Variants in ZC3H6 observed in about 807,000 individuals in gnomAD.
The protein encoded by ZC3H6 is zinc finger CCCH domain-containing protein 6.
ZC3H6 carries 40 observed loss-of-function variants against 107.7 expected under a neutral mutation model. The observed-to-expected ratio is 0.37, with a 90% CI of 0.29 to 0.48. ZC3H6 has a LOEUF of 0.48. Ranked by LOEUF, ZC3H6 falls within the 20% of genes least tolerant of loss-of-function variation. The pLI is 0.98. For synonymous variants in ZC3H6, 493 were observed against 487.9 expected (o/e 1.01, Z -0.14); for missense variants, 1,267 against 1,410.4 (o/e 0.90, Z 1.63).
chr2:112,288,350 A>G (rs114084308), intron 1 of ZC3H6, among the ~76,000 whole-genome samples: 83 of 152,338 alleles, frequency 5.4e-4, no homozygotes, highest in African/African-American at 1.9e-3. Flanking sequence ...GTAGTCCAGC[A>G]TAGTAATTCT....
chr2:112,291,446 C>T (rs1676114581), intron 1 of ZC3H6, among the ~76,000 whole-genome samples: 1 of 152,218 alleles, frequency 6.6e-6, no homozygotes, highest in Non-Finnish European at 1.5e-5. Flanking sequence ...GTTGGCCAGG[C>T]TGGTCTCGAA....
rs1676964384 is a variant in ZC3H6 at position 112,328,811 on chromosome 2, T to C, written c.2087-2194T>C. On this transcript the variant is annotated intron_variant, in intron 11 of 11. Coordinates refer to ENST00000409871, the MANE Select transcript of ZC3H6 (RefSeq NM_198581.3). ...AAAATTAGCTGGGCATGTTAGTGCATGTCTGTAGTCCCAGCTACTCAGAAG... is the reference window on the plus strand; with the variant it reads ...AAAATTAGCTGGGCATGTTAGTGCACGTCTGTAGTCCCAGCTACTCAGAAG... Among the ~76,000 whole-genome samples, 3 of 152,084 alleles carry C rather than the reference T, an allele frequency of 2.0e-5. No individual in the cohort carries two copies. The South Asian group carries it at 6.2e-4, about 32-fold the overall frequency.
At chr2:112,293,930 TCTGG>T (rs1438667669) in intron 1 of ZC3H6, among the ~76,000 whole-genome samples, 2 of 152,198 alleles carry the variant, frequency 1.3e-5, no homozygotes, top group Admixed American at 6.5e-5. Flanking sequence ...TGGTGGGCAC[TCTGG>T]CTGAGGAACA....
At chr2:112,286,524 G>A (rs11679986) in intron 1 of ZC3H6, 19,171 of 153,168 alleles carry the variant, frequency 0.13, 1,371 homozygotes, top group Non-Finnish European at 0.16. Context: ...TGCAACCTCC[G>A]CCTCCCGAGT....
chr2:112,284,768 T>C (rs551811636), intron 1 of ZC3H6, among the ~76,000 whole-genome samples: 18 of 152,326 alleles, frequency 1.2e-4, no homozygotes, highest in South Asian at 6.2e-4. Flanking sequence ...AATGATTATG[T>C]TGTACAGAAC....
chr2:112,323,010 T>G, intron 9 of ZC3H6, 108 bp downstream of exon 9: 1 of 1,227,030 alleles, frequency 8.1e-7, no homozygotes, highest in Non-Finnish European at 1.1e-6. Flanking sequence ...TGGTTAGAGA[T>G]AGCACATATC....
At chr2:112,318,379 A>C (rs958993232) in intron 7 of ZC3H6, among the ~76,000 whole-genome samples, 1 of 152,232 alleles carries the variant, frequency 6.6e-6, no homozygotes, top group Non-Finnish European at 1.5e-5. Flanking sequence ...TAATGAAGTG[A>C]GAAAGATTAT....
chr2:112,311,409 A>C (rs1391688358), intron 4 of ZC3H6, among the ~76,000 whole-genome samples: 1 of 152,226 alleles, frequency 6.6e-6, no homozygotes, highest in African/African-American at 2.4e-5. Flanking sequence ...GTATATATCT[A>C]CTCAAAATTA....
At position 112,333,974 on chromosome 2, in the gene ZC3H6, C is replaced by A. The variant is rs1190407894; in HGVS notation, c.*1486C>A. The A allele has an allele frequency of 6.6e-6, 1 of 151,974 alleles. No individual in the cohort carries two copies. The highest frequency in any genetic ancestry group is 1.5e-5 in the Non-Finnish European group (1 of 67,948). The allele number at this position is 151,974 out of a possible 1,614,324, so 9.4% of individuals were successfully genotyped here. A position where few individuals can be genotyped will look rare whatever the true frequency, so the allele number is the denominator to read the frequency against. On this transcript the variant is annotated 3_prime_UTR_variant, in exon 12 of 12. Coordinates refer to ENST00000409871, the MANE Select transcript of ZC3H6 (RefSeq NM_198581.3). ...ATCACTTCTTCAATTCTTTTTGCTG[C>A]AGTTCTGTGCTAAAATGGGGTTGTG...
chr2:112,290,473 C>T (rs138681059), intron 1 of ZC3H6, among the ~76,000 whole-genome samples: 104 of 152,378 alleles, frequency 6.8e-4, no homozygotes, highest in Non-Finnish European at 9.7e-4. Flanking sequence ...CATTTACCTA[C>T]TTCGTATACT....
At chr2:112,326,679 C>A (rs1297919357) in intron 11 of ZC3H6, among the ~76,000 whole-genome samples, 1 of 152,200 alleles carries the variant, frequency 6.6e-6, no homozygotes, top group Non-Finnish European at 1.5e-5. Flanking sequence ...GTGACACGAT[C>A]TCGGCTCACT....
intron 2 of ZC3H6, among the ~76,000 whole-genome samples, chr2:112,302,343 A>C (rs1305686378): frequency 6.6e-6 from 1 of 152,186 alleles, no homozygotes; most frequent in Non-Finnish European, 1.5e-5. Context: ...ACCAAACTCC[A>C]GACCATTTAG....
chr2:112,293,839 C>G (rs1283695214), intron 1 of ZC3H6, among the ~76,000 whole-genome samples: 1 of 152,198 alleles, frequency 6.6e-6, no homozygotes, highest in Non-Finnish European at 1.5e-5. Flanking sequence ...AATGCATGAT[C>G]AGCATAGTGT....
At chr2:112,330,945 AT>A in intron 11 of ZC3H6, 59 bp from the exon 12 acceptor site, 5 of 519,284 alleles carry the variant, frequency 9.6e-6, no homozygotes, top group Non-Finnish European at 1.3e-5. Context: ...TAATATAATA[AT>A]TTTATTATAT....
chr2:112,287,002 C>A (rs1328390696), intron 1 of ZC3H6, among the ~76,000 whole-genome samples: 1 of 152,092 alleles, frequency 6.6e-6, no homozygotes, highest in African/African-American at 2.4e-5. Flanking sequence ...TATTTACAGA[C>A]CAAATGCCCA....
intron 5 of ZC3H6, 72 bp downstream of exon 5, chr2:112,312,009 A>G: frequency 6.9e-7 from 1 of 1,441,464 alleles, no homozygotes; most frequent in South Asian, 1.5e-5. Flanking sequence ...CAAAGAAAGC[A>G]TTGTGATTTT....
intron 7 of ZC3H6, among the ~76,000 whole-genome samples, chr2:112,319,384 G>A (rs946207744): frequency 6.6e-6 from 1 of 152,104 alleles, no homozygotes; most frequent in Non-Finnish European, 1.5e-5. Context: ...GGTGGCTCAT[G>A]CCTGTAATCC....
chr2:112,287,820 T>C (rs1686635202), intron 1 of ZC3H6, among the ~76,000 whole-genome samples: 1 of 152,248 alleles, frequency 6.6e-6, no homozygotes, highest in Non-Finnish European at 1.5e-5. Context: ...GCCAGGATGC[T>C]CTAGATCTCC....
chr2:112,317,024 G>T (rs1027269827), intron 6 of ZC3H6, among the ~76,000 whole-genome samples, 197 bp from the exon 7 acceptor site: 1 of 152,154 alleles, frequency 6.6e-6, no homozygotes, highest in African/African-American at 2.4e-5. Context: ...CTGCCTTAAT[G>T]CATGTAGCTA....
Sources: allele counts gnomAD v4.1 joint callset (sites outside exome capture counted in the v4.1 genomes callset), GRCh38; gene constraint gnomAD v4.1.1; transcripts MANE v1.5; gene names NCBI Gene and HGNC (gene_info 2026-07-23, HGNC 2026-07-21).